ADAT1: variants seen among roughly 807,000 people sequenced by gnomAD.
ADAT1 encodes the protein tRNA-specific adenosine deaminase 1.
Under a neutral mutation model 58.6 loss-of-function variants are expected in ADAT1, and 58 were observed. The ratio of observed to expected loss-of-function variants is 0.99; its 90% CI spans 0.80 to 1.23. The LOEUF is 1.23. ADAT1 is among the 50% of genes most tolerant of loss of function. The pLI is 0.00. For missense variants in ADAT1, 741 were observed against 608.6 expected (o/e 1.22, Z -2.29); for synonymous variants, 254 against 220.8 (o/e 1.15, Z -1.33).
intron 8 of ADAT1, 49 bp from the exon 9 acceptor site, chr16:75,603,220 T>C: frequency 1.3e-6 from 2 of 1,502,462 alleles, no homozygotes; most frequent in Non-Finnish European, 1.8e-6. Context: ...TTTAGTATGT[T>C]CTAAGCCCCT....
chr16:75,604,982 T>C (rs577707822), intron 8 of ADAT1, among the ~76,000 whole-genome samples: 22 of 151,898 alleles, frequency 1.4e-4, no homozygotes, highest in East Asian at 9.6e-4. Flanking sequence ...CTCTTCTTCT[T>C]CTCCTCCTCC....
At position 75,608,909 on chromosome 16, in the gene ADAT1, G is replaced by C; in HGVS notation, c.1123C>G (p.Gln375Glu). ...TTTGCCTGCACCGCACTGCGGCTCTGTTCAAATAGTAAATCTGACTGCAGT... is the reference window on the plus strand; with the variant it reads ...TTTGCCTGCACCGCACTGCGGCTCTCTTCAAATAGTAAATCTGACTGCAGT... ...KILQSDLLFEQSRSAVQAKRA... is the reference protein window; with the variant it reads ...KILQSDLLFEESRSAVQAKRA... Residue 375 changes from glutamine (Q) to glutamate (E), a missense_variant, in exon 7 of 10, where the codon CAG becomes GAG. Gln to Glu is a conservative substitution (Grantham distance 29). Transcript: ENST00000564657. The C allele has an allele frequency of 6.2e-7, 1 of 1,614,202 alleles. No homozygotes were observed. Among genetic ancestry groups the C allele is most frequent in the Non-Finnish European group, 8.5e-7 (1 of 1,180,018 alleles).
At chr16:75,604,541 G>A (rs1345568850) in intron 8 of ADAT1, among the ~76,000 whole-genome samples, 2 of 135,340 alleles carry the variant, frequency 1.5e-5, no homozygotes, top group African/African-American at 2.8e-5. Context: ...ATATAATTAT[G>A]GGGAAAATAT....
Position 75,600,041 on chromosome 16 carries a change from TTCAA to T in ADAT1, c.*171_*174del. 1 of 1,443,726 alleles carries T rather than the reference TTCAA, an allele frequency of 6.9e-7. No individual in the cohort carries two copies. 89.4% of individuals were successfully genotyped at this position (1,443,726 alleles called of 1,614,324 possible). On this transcript the variant is annotated 3_prime_UTR_variant, in exon 10 of 10. Coordinates refer to ENST00000564657, the MANE Select transcript of ADAT1 (RefSeq NM_001324445.2). ...AGATGCCATTTTAGCAGAGAGCTAC[TTCAA>T]TCAAGTATAGCTTGCTCTAAGTTCC... is the stretch of plus-strand genomic sequence containing the variant.
intron 6 of ADAT1, among the ~76,000 whole-genome samples, chr16:75,611,301 G>T (rs2081525577): frequency 6.6e-6 from 1 of 152,142 alleles, no homozygotes. Context: ...TTTTTCTTAT[G>T]TGTGGATGTA....
At chr16:75,608,361 A>G in intron 7 of ADAT1, 38 bp from the exon 8 acceptor site, 1 of 1,516,896 alleles carries the variant, frequency 6.6e-7, no homozygotes, top group Non-Finnish European at 9.1e-7. Context: ...AAACTGCTCA[A>G]TTTCTTGTGA....
Position 75,612,771 on chromosome 16 carries a change from T to C in ADAT1, c.515A>G (p.Glu172Gly). The change falls in exon 6 of 10, where the codon GAA becomes GGA. Residue 172 changes from glutamate to glycine, a missense_variant. Physicochemically the swap from Glu to Gly is moderately conservative, Grantham distance 98. Transcript: ENST00000564657. The part of the protein sequence containing the change: ...FRNWAHNSSV[E>G]ASSNLEAPGN... ...AGGAGCTTCCAGGTTACTACTGGCT[T>C]CTACTGATGAGTTGTGGGCCCAATT... 1.2e-6 allele frequency: 2 copies of C among 1,614,092 alleles called. No individual in the cohort carries two copies. Among genetic ancestry groups the C allele is most frequent in the Non-Finnish European group, 1.7e-6 (2 of 1,180,016 alleles).
rs1030071377 is a variant in ADAT1, at chr16:75,599,357, C to A, written c.*859G>T. The A allele has an allele frequency of 1.1e-4, 112 of 985,594 alleles. 1 individual carries two copies. In the South Asian group the frequency reaches 4.4e-3, roughly 39 times the overall value. The allele number at this position is 985,594 out of a possible 1,614,324, so 61.1% of individuals were successfully genotyped here. A position where few individuals can be genotyped will look rare whatever the true frequency, so the allele number is the denominator to read the frequency against. Reference sequence around the variant, plus strand: ...TGGGCTTCCCAAAGTGCTGGGATTACAGGCCTGAGCCACCAAGCCTGGCCA... The same window carrying A: ...TGGGCTTCCCAAAGTGCTGGGATTAAAGGCCTGAGCCACCAAGCCTGGCCA... On this transcript the variant is annotated 3_prime_UTR_variant, in exon 10 of 10. Coordinates refer to ENST00000564657, the MANE Select transcript of ADAT1 (RefSeq NM_001324445.2).
Position 75,620,505 on chromosome 16 carries a change from G to C in ADAT1, c.169+126C>G, listed in dbSNP as rs1305484929. 11 of 1,412,726 alleles carry C rather than the reference G, an allele frequency of 7.8e-6. No individual in the cohort carries two copies. In the South Asian group the frequency reaches 1.3e-4, roughly 16 times the overall value. 87.5% of individuals were successfully genotyped at this position (1,412,726 alleles called of 1,614,324 possible). A position where few individuals can be genotyped will look rare whatever the true frequency, so the allele number is the denominator to read the frequency against. On this transcript the variant is annotated intron_variant, in intron 2 of 9. Transcript: ENST00000564657. ...ATCAGAGGTACTGCGTCACCTAGCA[G>C]AGGACAAGCACATATGCCTAACATC...
At position 75,612,590 on chromosome 16, in the gene ADAT1, G is replaced by C; in HGVS notation, c.696C>G (p.Ser232Arg). ...CCAGTCCCTCTACAGTGAGATCACAGCTGTGGATGCCTGGTGAGATTGGGC... is the reference window on the plus strand; with the variant it reads ...CCAGTCCCTCTACAGTGAGATCACACCTGTGGATGCCTGGTGAGATTGGGC... ...KSGPISPGIH[S>R]CDLTVEGLAT... Residue 232 changes from serine to arginine, a missense_variant, in exon 6 of 10, where the codon AGC (serine) becomes AGG (arginine). By Grantham distance (110) the Ser-to-Arg change is moderately radical. Transcript: ENST00000564657. The C allele has an allele frequency of 6.2e-7, 1 of 1,614,144 alleles. No individual in the cohort carries two copies. The highest frequency in any genetic ancestry group is 1.1e-5 in the South Asian group (1 of 91,084).
chr16:75,610,298 CT>C (rs76848698), intron 6 of ADAT1, among the ~76,000 whole-genome samples: 330 of 143,014 alleles, frequency 2.3e-3, no homozygotes, highest in Middle Eastern at 3.6e-3. Context: ...TACATATACA[CT>C]TTTTTTTTTT....
chr16:75,619,540 A>C, intron 3 of ADAT1: 2 of 427,668 alleles, frequency 4.7e-6, no homozygotes, highest in Admixed American at 2.9e-5. Context: ...AAAAAAAACC[A>C]CTGAAACAGA....
chr16:75,612,960 T>G, intron 5 of ADAT1, 99 bp from the exon 6 acceptor site: 12 of 1,436,914 alleles, frequency 8.4e-6, no homozygotes, highest in Non-Finnish European at 1.1e-5. Flanking sequence ...ATGCAAACTC[T>G]TGGGACCCAC....
rs1183742438 is a variant in ADAT1, at chr16:75,622,539, ACT to A, written c.-160_-159del. The A allele has an allele frequency of 6.6e-6, 1 of 151,996 alleles. No individual in the cohort carries two copies. Among genetic ancestry groups the A allele is most frequent in the African/African-American group, 2.4e-5 (1 of 41,370 alleles). 9.4% of individuals were successfully genotyped at this position (151,996 alleles called of 1,614,324 possible). ...GTAGAAGTTGCCAGAAGAAACAGTG[ACT>A]CTCTTTAAGATGAAGCAGCCCAGAA... On this transcript the variant is annotated 5_prime_UTR_variant, in exon 1 of 10. Transcript: ENST00000564657.
intron 5 of ADAT1, 32 bp downstream of exon 5, chr16:75,617,110 T>G: frequency 6.3e-7 from 1 of 1,583,716 alleles, no homozygotes; most frequent in Non-Finnish European, 8.6e-7. Context: ...GTAGTTCATG[T>G]AACATTAATC....
Position 75,608,842 on chromosome 16 carries a change from C to G in ADAT1, c.1189+1G>C, listed in dbSNP as rs750897040. On this transcript the variant is annotated splice_donor_variant, in intron 7 of 9. Transcript: ENST00000564657. LOFTEE classifies it high-confidence loss of function. ...GGGCAGGTCTAACCTGGATCTCTTA[C>G]CTGCCCCACAAGGAACAAGTCGACC... is the stretch of plus-strand genomic sequence containing the variant. 6.2e-7 allele frequency: 1 copy of G among 1,613,014 alleles called. No individual in the cohort carries two copies. The highest frequency in any genetic ancestry group is 8.5e-7 in the Non-Finnish European group (1 of 1,179,698).
At position 75,600,174 on chromosome 16, in the gene ADAT1, T is replaced by A. The variant is rs374182720; in HGVS notation, c.*42A>T. On this transcript the variant is annotated 3_prime_UTR_variant, in exon 10 of 10. Coordinates refer to ENST00000564657, the MANE Select transcript of ADAT1 (RefSeq NM_001324445.2). ...ACTTGTCCTGCGTGGAGGAAGGCAG[T>A]TCAGGATGAAGGGTCCTGCTACCAG... 1.2e-6 allele frequency: 2 copies of A among 1,610,294 alleles called. No individual in the cohort carries two copies. The highest frequency in any genetic ancestry group is 1.7e-6 in the Non-Finnish European group (2 of 1,177,192).
At chr16:75,617,362 T>G (rs1194367394) in intron 4 of ADAT1, 90 bp from the exon 5 acceptor site, 2 of 1,393,410 alleles carry the variant, frequency 1.4e-6, no homozygotes, top group South Asian at 2.6e-5. Flanking sequence ...GACAGCTTAC[T>G]GTAGACTAAT....
rs1246692005 is a variant in ADAT1 at position 75,609,072 on chromosome 16, T to C, written c.1044-84A>G. The C allele has an allele frequency of 3.3e-6, 5 of 1,512,928 alleles. No homozygotes were observed. The African/African-American group carries it at 5.6e-5, about 17-fold the overall frequency. 93.7% of individuals were successfully genotyped at this position (1,512,928 alleles called of 1,614,324 possible). On this transcript the variant is annotated intron_variant, in intron 6 of 9. Transcript: ENST00000564657. ...GGATTGTGGCTCACATCATCACCCC[T>C]GAGCCTTAGCAGGTGTGGGGATTTG...
Sources: gnomAD v4.1 joint callset for allele counts (sites outside exome capture counted in the v4.1 genomes callset) on GRCh38, gnomAD v4.1.1 for gene constraint, MANE v1.5 for transcripts, NCBI Gene and HGNC (gene_info 2026-07-23, HGNC 2026-07-21) for gene names.